Variants in TASP1 observed in about 807,000 individuals in gnomAD.
TASP1 encodes the protein threonine aspartase 1.
A neutral mutation model predicts 56.6 loss-of-function variants in TASP1; 16 were observed. The observed-to-expected ratio is 0.28, with a 90% confidence interval of 0.19 to 0.43. The LOEUF (loss-of-function observed/expected upper bound fraction) is 0.43, where lower values mean the gene tolerates loss of function less well. Among genes scored for constraint, TASP1 ranks in the 20% least tolerant of loss-of-function variants. TASP1 has a pLI of 1.00. For synonymous variants in TASP1, 179 were observed against 184.2 expected (o/e 0.97, Z 0.23); for missense variants, 393 against 511.6 (o/e 0.77, Z 2.24).
intron 10 of TASP1, among the ~76,000 whole-genome samples, chr20:13,527,174 A>G (rs747957202): frequency 2.6e-5 from 4 of 152,166 alleles, no homozygotes; most frequent in Admixed American, 1.3e-4. Flanking sequence ...GGAACAGGTC[A>G]GAGAGGCAGA....
rs540492126 is a variant in TASP1, at chr20:13,602,572, A to G, written c.283-15202T>C. On this transcript the variant is annotated intron_variant, in intron 4 of 13. Transcript: ENST00000337743. Reference sequence around the variant, plus strand: ...CCCCAACCTTTTTGGCACCACTGGGACCAGTTTTGTGGAAGACAATTTTTC... The same window carrying G: ...CCCCAACCTTTTTGGCACCACTGGGGCCAGTTTTGTGGAAGACAATTTTTC... Among the ~76,000 whole-genome samples the G allele has an allele frequency of 2.0e-5, 3 of 152,266 alleles. No homozygotes were observed. The South Asian group carries it at 6.2e-4, about 32-fold the overall frequency.
intron 11 of TASP1, among the ~76,000 whole-genome samples, chr20:13,478,346 T>TACACACACACAC (rs35289716): frequency 7.1e-6 from 1 of 140,194 alleles, no homozygotes; most frequent in African/African-American, 2.6e-5. Context: ...GAAAATATGA[T>TACACACACACAC]ACACACACAC....
intron 8 of TASP1, among the ~76,000 whole-genome samples, chr20:13,543,830 T>A (rs1281069732): frequency 6.6e-6 from 1 of 152,218 alleles, no homozygotes; most frequent in Non-Finnish European, 1.5e-5. Flanking sequence ...CTTCTGAAAC[T>A]GCATCTTGCT....
the TASP1 span, among the ~76,000 whole-genome samples, chr20:13,230,333 G>A: frequency 2.0e-5 from 3 of 152,042 alleles, no homozygotes; most frequent in Non-Finnish European, 4.4e-5. Flanking sequence ...ACAGGTGGCT[G>A]CTCTCTTTTC....
chr20:13,436,017 C>A (rs1164013544), intron 11 of TASP1, among the ~76,000 whole-genome samples: 1 of 151,970 alleles, frequency 6.6e-6, no homozygotes, highest in African/African-American at 2.4e-5. Context: ...GAGAAAGAGG[C>A]AGACAAGGAA....
the TASP1 span, among the ~76,000 whole-genome samples, chr20:13,357,339 G>A: frequency 3.9e-5 from 6 of 152,150 alleles, no homozygotes; most frequent in South Asian, 6.2e-4. Context: ...ATTAGGCTAC[G>A]AATTCATTAT....
At chr20:13,326,286 G>A in the TASP1 span, among the ~76,000 whole-genome samples, 6 of 152,140 alleles carry the variant, frequency 3.9e-5, no homozygotes, top group Non-Finnish European at 8.8e-5. Context: ...TTTATGTACA[G>A]ATTTTTATGT....
intron 10 of TASP1, among the ~76,000 whole-genome samples, chr20:13,494,495 GTCACTGAC>G (rs770960897): frequency 2.0e-4 from 31 of 152,214 alleles, no homozygotes; most frequent in Non-Finnish European, 2.2e-4. Context: ...GGGAGAAAGG[GTCACTGAC>G]TCACTGACTC....
the TASP1 span, among the ~76,000 whole-genome samples, chr20:13,221,225 C>A: frequency 1.9e-3 from 106 of 55,524 alleles, no homozygotes; most frequent in African/African-American, 2.8e-3. Flanking sequence ...TCCTACTCCT[C>A]CTCCTCCTCC....
the TASP1 span, among the ~76,000 whole-genome samples, chr20:13,271,338 T>G: frequency 6.6e-6 from 1 of 152,180 alleles, no homozygotes; most frequent in Non-Finnish European, 1.5e-5. Flanking sequence ...GATGACTATC[T>G]TCCACTAAGT....
At chr20:13,609,510 C>G (rs555752351) in intron 4 of TASP1, among the ~76,000 whole-genome samples, 1 of 151,796 alleles carries the variant, frequency 6.6e-6, no homozygotes, top group Non-Finnish European at 1.5e-5. Context: ...ATGGTGAAAC[C>G]CCATCTCTAC....
intron 4 of TASP1, among the ~76,000 whole-genome samples, chr20:13,616,231 G>A (rs1176215920): frequency 6.6e-5 from 10 of 152,076 alleles, no homozygotes; most frequent in Admixed American, 1.3e-4. Context: ...TTGTTTCCAC[G>A]TAGTCAAAAC....
intron 13 of TASP1, among the ~76,000 whole-genome samples, chr20:13,415,940 G>T (rs1483928376): frequency 6.6e-6 from 1 of 152,098 alleles, no homozygotes; most frequent in African/African-American, 2.4e-5. Context: ...GGATTCTTGG[G>T]GTTTATCAGG....
chr20:13,358,960 C>G, the TASP1 span, among the ~76,000 whole-genome samples: 2 of 150,820 alleles, frequency 1.3e-5, no homozygotes, highest in Non-Finnish European at 2.9e-5. Flanking sequence ...CTCCTTGTCT[C>G]TACCCCTTCT....
chr20:13,412,302 T>A (rs1177910377), intron 13 of TASP1, among the ~76,000 whole-genome samples: 1 of 152,214 alleles, frequency 6.6e-6, no homozygotes, highest in African/African-American at 2.4e-5. Context: ...TGAGTTTGAC[T>A]CCTCCTCCTG....
At position 13,620,297 on chromosome 20, in the gene TASP1, C is replaced by CAT. The variant is rs1555806765; in HGVS notation, c.282+3148_282+3149insAT. On this transcript the variant is annotated intron_variant, in intron 4 of 13. Coordinates refer to ENST00000337743, the MANE Select transcript of TASP1 (RefSeq NM_017714.3). ...ACACACACACACACACACACACACA[C>CAT]ACATACATATACACATATTTCTTTT... Among the ~76,000 whole-genome samples, 6 of 151,830 alleles carry CAT rather than the reference C, an allele frequency of 4.0e-5. No individual in the cohort carries two copies. The East Asian group carries it at 9.7e-4, about 24-fold the overall frequency.
chr20:13,279,497 C>T, the TASP1 span: 91 of 822,186 alleles, frequency 1.1e-4, no homozygotes, highest in Middle Eastern at 3.5e-4. Flanking sequence ...CATTGTGTAT[C>T]GCCATGCAAT....
chr20:13,476,139 C>G (rs1373236336), intron 11 of TASP1, among the ~76,000 whole-genome samples: 1 of 151,986 alleles, frequency 6.6e-6, no homozygotes, highest in African/African-American at 2.4e-5. Flanking sequence ...AATAAACAAA[C>G]AAACAAATAA....
chr20:13,623,349 T>C (rs2048783532), intron 4 of TASP1, 97 bp downstream of exon 4: 22 of 985,756 alleles, frequency 2.2e-5, no homozygotes, highest in Non-Finnish European at 3.2e-5. Context: ...ACACTGCTCA[T>C]ATAATTTATG....
Sources: gnomAD v4.1 joint callset for allele counts (sites outside exome capture counted in the v4.1 genomes callset) on GRCh38, gnomAD v4.1.1 for gene constraint, MANE v1.5 for transcripts, NCBI Gene and HGNC (gene_info 2026-07-23, HGNC 2026-07-21) for gene names.